Variants in DOK6 observed in about 807,000 individuals in gnomAD.
The protein encoded by DOK6 is docking protein 6.
Under a neutral mutation model 44.0 loss-of-function variants are expected in DOK6, and 22 were observed. The observed-to-expected ratio is 0.50, with a 90% CI of 0.36 to 0.71. The LOEUF is 0.71. Ranked by LOEUF, DOK6 falls within the 30% of genes least tolerant of loss-of-function variation. DOK6 has a pLI of 0.00. For synonymous variants in DOK6, 166 were observed against 145.5 expected, an observed-to-expected ratio of 1.14 and a Z score of -1.01; for missense variants, 340 against 416.4, an observed-to-expected ratio of 0.82 and a Z score of 1.60.
intron 4 of DOK6, among the ~76,000 whole-genome samples, chr18:69,683,452 C>A (rs754564563): frequency 1.9e-4 from 29 of 152,308 alleles, no homozygotes; most frequent in Middle Eastern, 3.4e-3. Flanking sequence ...TTAGGGTTGG[C>A]CATAATCCAA....
chr18:69,429,620 CATATATATATATATATAT>C (rs143819043), intron 1 of DOK6, among the ~76,000 whole-genome samples: 1,928 of 105,942 alleles, frequency 0.018, 80 homozygotes, highest in African/African-American at 0.059. Context: ...TTGAGGGATA[CATATATATATATATATAT>C]ATATATATAT....
intron 5 of DOK6, among the ~76,000 whole-genome samples, chr18:69,723,482 C>T (rs1318572038): frequency 3.3e-5 from 5 of 152,150 alleles, no homozygotes. Context: ...ATAGAACACA[C>T]GCTCGGGTGT....
At chr18:69,409,215 G>T (rs1240423930) in intron 1 of DOK6, among the ~76,000 whole-genome samples, 2 of 152,180 alleles carry the variant, frequency 1.3e-5, no homozygotes, top group Non-Finnish European at 2.9e-5. Flanking sequence ...TAAGTTCCCT[G>T]AGGCCTCCCT....
chr18:69,707,618 G>A (rs918228315), intron 5 of DOK6, among the ~76,000 whole-genome samples: 1 of 152,246 alleles, frequency 6.6e-6, no homozygotes, highest in African/African-American at 2.4e-5. Context: ...AACTGGAACT[G>A]ATCTCTCACT....
intron 3 of DOK6, among the ~76,000 whole-genome samples, chr18:69,633,461 C>T (rs1248640218): frequency 6.6e-6 from 1 of 152,138 alleles, no homozygotes; most frequent in African/African-American, 2.4e-5. Flanking sequence ...CATATTCTGC[C>T]TATGGGTTTC....
At chr18:69,462,146 T>A (rs1402247261) in intron 1 of DOK6, among the ~76,000 whole-genome samples, 2 of 152,216 alleles carry the variant, frequency 1.3e-5, no homozygotes, top group Non-Finnish European at 2.9e-5. Flanking sequence ...TTCCCCTATG[T>A]GCTTTCATGC....
intron 1 of DOK6, among the ~76,000 whole-genome samples, chr18:69,499,347 A>G (rs934930682): frequency 6.6e-6 from 1 of 151,708 alleles, no homozygotes; most frequent in African/African-American, 2.4e-5. Context: ...TTAACTCTTG[A>G]GTCAATCAAT....
chr18:69,409,478 A>G (rs955187700), intron 1 of DOK6, among the ~76,000 whole-genome samples: 1 of 152,170 alleles, frequency 6.6e-6, no homozygotes, highest in Non-Finnish European at 1.5e-5. Context: ...TATATATTGA[A>G]TATGTATGTA....
chr18:69,748,787 C>T (rs1568114470), intron 6 of DOK6, among the ~76,000 whole-genome samples: 2 of 152,092 alleles, frequency 1.3e-5, no homozygotes, highest in Non-Finnish European at 2.9e-5. Context: ...ATCATTTCAC[C>T]AGTCATCCTA....
intron 3 of DOK6, among the ~76,000 whole-genome samples, chr18:69,638,801 A>C (rs1269971851): frequency 1.3e-5 from 2 of 152,252 alleles, no homozygotes; most frequent in Non-Finnish European, 2.9e-5. Context: ...AAATATGTTA[A>C]TGTACACTGT....
At chr18:69,435,004 AAAGATTAGTGTAGGGAGGGAGG>A (rs1978922581) in intron 1 of DOK6, among the ~76,000 whole-genome samples, 9 of 103,242 alleles carry the variant, frequency 8.7e-5, no homozygotes, top group Non-Finnish European at 1.7e-4. Flanking sequence ...AGGAAGGAAG[AAAGATTAGTGTAGGGAGGGAGG>A]GAAGGAAGGA....
chr18:69,701,096 A>C (rs7505986), intron 5 of DOK6, among the ~76,000 whole-genome samples: 101,932 of 152,020 alleles, frequency 0.67, 34,532 homozygotes, highest in East Asian at 0.89. Context: ...CTGCTGTAAA[A>C]CTGACATGTA....
At chr18:69,538,918 G>A (rs1414845006) in intron 1 of DOK6, among the ~76,000 whole-genome samples, 1 of 152,030 alleles carries the variant, frequency 6.6e-6, no homozygotes. Context: ...CTAAGTCTCA[G>A]TTGCTCTCTG....
At chr18:69,662,196 T>C (rs967201881) in intron 3 of DOK6, 1 of 152,198 alleles carries the variant, frequency 6.6e-6, no homozygotes, top group African/African-American at 2.4e-5. Context: ...GCCAGGCTGG[T>C]CTCAAACTCC....
chr18:69,642,392 G>A (rs1258115144), intron 3 of DOK6, among the ~76,000 whole-genome samples: 1 of 151,614 alleles, frequency 6.6e-6, no homozygotes, highest in South Asian at 2.1e-4. Flanking sequence ...TGTTTGCTAG[G>A]CATGGTAGTG....
At chr18:69,829,348 T>C (rs958274394) in intron 7 of DOK6, among the ~76,000 whole-genome samples, 1 of 151,942 alleles carries the variant, frequency 6.6e-6, no homozygotes, top group African/African-American at 2.4e-5. Flanking sequence ...AAACTAACAC[T>C]ATTGTTATCT....
intron 4 of DOK6, among the ~76,000 whole-genome samples, chr18:69,686,307 A>G (rs967614636): frequency 6.6e-6 from 1 of 152,110 alleles, no homozygotes; most frequent in Admixed American, 6.6e-5. Flanking sequence ...CTTTGTATAT[A>G]TATTTTTTAA....
At chr18:69,651,037 T>C (rs1985210817) in intron 3 of DOK6, among the ~76,000 whole-genome samples, 2 of 152,214 alleles carry the variant, frequency 1.3e-5, no homozygotes, top group Non-Finnish European at 2.9e-5. Context: ...TTAGACTGTA[T>C]GTGGAGAGAT....
intron 3 of DOK6, among the ~76,000 whole-genome samples, chr18:69,654,163 C>T (rs929998763): frequency 6.6e-6 from 1 of 151,980 alleles, no homozygotes; most frequent in African/African-American, 2.4e-5. Flanking sequence ...ACAGACTAAA[C>T]ACAGAAGAAA....
Sources: gnomAD v4.1 joint callset for allele counts (sites outside exome capture counted in the v4.1 genomes callset) on GRCh38, gnomAD v4.1.1 for gene constraint, MANE v1.5 for transcripts, NCBI Gene and HGNC (gene_info 2026-07-23, HGNC 2026-07-21) for gene names.